AGPAT4: variants seen among roughly 807,000 people sequenced by gnomAD.
AGPAT4 encodes 1-acylglycerol-3-phosphate O-acyltransferase 4, also known as 1-acyl-sn-glycerol-3-phosphate acyltransferase delta.
AGPAT4 carries 15 observed loss-of-function variants against 48.0 expected under a neutral mutation model. The ratio of observed to expected loss-of-function variants is 0.31; its 90% CI spans 0.21 to 0.48. AGPAT4 has a LOEUF of 0.48. AGPAT4 is among the 20% of genes least tolerant of loss of function. The probability of loss-of-function intolerance (pLI) is 0.99; values close to 1 mark genes in which losing one functional copy is unlikely to be tolerated. For synonymous variants in AGPAT4, 178 were observed against 198.7 expected, an observed-to-expected ratio of 0.90 and a Z score of 0.88; for missense variants, 314 against 482.5, an observed-to-expected ratio of 0.65 and a Z score of 3.27.
rs377346959 is a variant in AGPAT4, at chr6:161,178,563, G to A, written c.179-12146C>T. 2.0e-5 allele frequency among the ~76,000 whole-genome samples: 3 copies of A among 152,118 alleles called. No individual in the cohort carries two copies. The highest frequency in any genetic ancestry group is 4.4e-5 in the Non-Finnish European group (3 of 68,026). ...CCCTTGGCTAGGAAAGGGAATTCCC[G>A]GACCCCTGCACTTCCCGGGTGAGGC... On this transcript the variant is annotated intron_variant, in intron 2 of 8. Coordinates refer to ENST00000320285, the MANE Select transcript of AGPAT4 (RefSeq NM_020133.3). This position sits in a 1 kb window ranked among gnomAD's most constrained non-coding sequence, Gnocchi z 5.1.
intron 2 of AGPAT4, among the ~76,000 whole-genome samples, chr6:161,168,516 T>G (rs988499829): frequency 2.6e-5 from 4 of 151,964 alleles, no homozygotes; most frequent in Admixed American, 6.6e-5. Flanking sequence ...TCTCCCCTAC[T>G]ATAGAGCACG....
chr6:161,166,467 G>C lies in AGPAT4; in HGVS notation c.179-50C>G. The C allele has an allele frequency of 6.5e-7, 1 of 1,541,084 alleles. No homozygotes were observed. Among genetic ancestry groups the C allele is most frequent in the Non-Finnish European group, 8.7e-7 (1 of 1,145,000 alleles). On this transcript the variant is annotated intron_variant, in intron 2 of 8. Transcript: ENST00000320285. This position sits in a 1 kb window ranked among gnomAD's most constrained non-coding sequence, Gnocchi z 6.7. ...TGTTTACTACATGCAGCCTTGTCCT[G>C]GGAGCCCTGCTGAGAGCAGGGCTCT...
chr6:161,143,155 C>T lies in AGPAT4; in HGVS notation c.843+3369G>A, dbSNP rs989815184. On this transcript the variant is annotated intron_variant, in intron 7 of 8. Coordinates refer to ENST00000320285, the MANE Select transcript of AGPAT4 (RefSeq NM_020133.3). This position sits in a 1 kb window ranked among gnomAD's most constrained non-coding sequence, Gnocchi z 4.7. ...TGGTGCAATCATAGCTCACAGTAAC[C>T]TTCAACTTCTAGGCTCAAGCAATCC... Among the ~76,000 whole-genome samples, 11 of 152,210 alleles carry T rather than the reference C, an allele frequency of 7.2e-5. No individual in the cohort carries two copies. Among genetic ancestry groups the T allele is most frequent in the African/African-American group, 2.2e-4 (9 of 41,438 alleles).
At position 161,214,630 on chromosome 6, in the gene AGPAT4, A is replaced by C. The variant is rs962717011; in HGVS notation, c.178+17406T>G. 6.6e-6 allele frequency among the ~76,000 whole-genome samples: 1 copy of C among 152,152 alleles called. No homozygotes were observed. The highest frequency in any genetic ancestry group is 1.9e-4 in the East Asian group (1 of 5,200). ...AAAGATACAAAAAAATTAGCTGGGC[A>C]TGGTGGCACACACCTGTAGTCCCAG... On this transcript the variant is annotated intron_variant, in intron 2 of 8. Coordinates refer to ENST00000320285, the MANE Select transcript of AGPAT4 (RefSeq NM_020133.3). This position sits in a 1 kb window ranked among gnomAD's most constrained non-coding sequence, Gnocchi z 5.4.
At chr6:161,191,426 G>A (rs534078079) in intron 2 of AGPAT4, among the ~76,000 whole-genome samples, 6 of 152,300 alleles carry the variant, frequency 3.9e-5, no homozygotes, top group East Asian at 1.9e-4. Context: ...TTGGAGAGAC[G>A]TCATTCTGAA....
chr6:161,252,979 G>A lies in AGPAT4; in HGVS notation c.-89-20677C>T, dbSNP rs558496407. Among the ~76,000 whole-genome samples the A allele has an allele frequency of 6.6e-5, 10 of 152,096 alleles. No individual in the cohort carries two copies. In the East Asian group the frequency reaches 1.8e-3, roughly 27 times the overall value. On this transcript the variant is annotated intron_variant, in intron 1 of 8. Transcript: ENST00000320285. ...GTCTGTAATCCCAGCACTTTGAGAG[G>A]CCAAGGCAGGCAGATCATGAGGTCA...
At chr6:161,263,237 G>C (rs1437293616) in intron 1 of AGPAT4, among the ~76,000 whole-genome samples, 1 of 152,144 alleles carries the variant, frequency 6.6e-6, no homozygotes, top group Non-Finnish European at 1.5e-5. Flanking sequence ...TGAAGACCAG[G>C]CTCTCTTTAA....
Position 161,208,306 on chromosome 6 carries a change from T to C in AGPAT4, c.178+23730A>G, listed in dbSNP as rs1253473577. Among the ~76,000 whole-genome samples, 4 of 152,190 alleles carry C rather than the reference T, an allele frequency of 2.6e-5. No homozygotes were observed. The highest frequency in any genetic ancestry group is 5.9e-5 in the Non-Finnish European group (4 of 68,038). On this transcript the variant is annotated intron_variant, in intron 2 of 8. Transcript: ENST00000320285. The surrounding 1 kb of genome is among the most constrained non-coding windows in gnomAD (Gnocchi z 4.6). ...TCTCCAGATGCGCCCTCTGTGGAACTTCCCTAACAATGTGCTCTTGTACAT... is the reference window on the plus strand; with the variant it reads ...TCTCCAGATGCGCCCTCTGTGGAACCTCCCTAACAATGTGCTCTTGTACAT...
intron 2 of AGPAT4, among the ~76,000 whole-genome samples, chr6:161,191,509 C>G (rs865829578): frequency 1.3e-5 from 2 of 152,154 alleles, no homozygotes; most frequent in African/African-American, 4.8e-5. Context: ...CAAGGGGAAC[C>G]AAGTATCTTA....
rs1783032525 is a variant in AGPAT4 at position 161,259,190 on chromosome 6, A to T, written c.-90+14748T>A. Among the ~76,000 whole-genome samples the T allele has an allele frequency of 6.6e-6, 1 of 152,220 alleles. No individual in the cohort carries two copies. Among genetic ancestry groups the T allele is most frequent in the Admixed American group, 6.5e-5 (1 of 15,284 alleles). On this transcript the variant is annotated intron_variant, in intron 1 of 8. Coordinates refer to ENST00000320285, the MANE Select transcript of AGPAT4 (RefSeq NM_020133.3). This position sits in a 1 kb window ranked among gnomAD's most constrained non-coding sequence, Gnocchi z 4.9. ...TACGTTTACACCGTGAAATGATTAA[A>T]TGAAGCTCGCTAACGTATCGATCAC...
intron 2 of AGPAT4, among the ~76,000 whole-genome samples, chr6:161,203,381 CTTTTTTTTTTTT>C (rs10585542): frequency 9.0e-6 from 1 of 110,764 alleles, no homozygotes; most frequent in Non-Finnish European, 1.9e-5. Flanking sequence ...CTTTTTCTTT[CTTTTTTTTTTTT>C]TTTTTTTTTT....
intron 2 of AGPAT4, among the ~76,000 whole-genome samples, chr6:161,182,606 C>G (rs1374775796): frequency 6.6e-6 from 1 of 152,248 alleles, no homozygotes; most frequent in Non-Finnish European, 1.5e-5. Flanking sequence ...AGTGAAGGAA[C>G]CAGCTCAGCC....
In AGPAT4 at chr6:161,146,129, G is replaced by A. The variant is rs1779416699; in HGVS notation, c.843+395C>T. Among the ~76,000 whole-genome samples the A allele has an allele frequency of 6.6e-6, 1 of 151,592 alleles. No homozygotes were observed. Among genetic ancestry groups the A allele is most frequent in the Non-Finnish European group, 1.5e-5 (1 of 68,028 alleles). On this transcript the variant is annotated intron_variant, in intron 7 of 8. Transcript: ENST00000320285. The surrounding 1 kb of genome is among the most constrained non-coding windows in gnomAD (Gnocchi z 7.1). The stretch of plus-strand genomic sequence containing the variant: ...GTGGATCCTTGTAGGGCTTTATCCT[G>A]CTTATTCTGGAGATGCTTTGAGATC...
Position 161,146,751 on chromosome 6 carries a change from C to T in AGPAT4, c.768-152G>A, listed in dbSNP as rs900922670. On this transcript the variant is annotated intron_variant, in intron 6 of 8. Coordinates refer to ENST00000320285, the MANE Select transcript of AGPAT4 (RefSeq NM_020133.3). This position sits in a 1 kb window ranked among gnomAD's most constrained non-coding sequence, Gnocchi z 7.1. ...TAATGCAAGTGATAGAAAGAAGGGG[C>T]GTTCCACATCCACACTGGAGAAACA... 15 of 704,914 alleles carry T rather than the reference C, an allele frequency of 2.1e-5. 1 individual carries two copies. The highest frequency in any genetic ancestry group is 1.3e-4 in the South Asian group (7 of 54,888). 43.7% of individuals were successfully genotyped at this position (704,914 alleles called of 1,614,324 possible). A position where few individuals can be genotyped will look rare whatever the true frequency, so the allele number is the denominator to read the frequency against.
At position 161,204,516 on chromosome 6, in the gene AGPAT4, A is replaced by G. The variant is rs115156121; in HGVS notation, c.178+27520T>C. Reference sequence around the variant, plus strand: ...CCTCCAAAATTCTCCCTTTCCAGCTATATTTATCCTTCAGCTGAAGACAAT... The same window carrying G: ...CCTCCAAAATTCTCCCTTTCCAGCTGTATTTATCCTTCAGCTGAAGACAAT... On this transcript the variant is annotated intron_variant, in intron 2 of 8. Transcript: ENST00000320285. The surrounding 1 kb of genome is among the most constrained non-coding windows in gnomAD (Gnocchi z 4.4). Among the ~76,000 whole-genome samples the G allele has an allele frequency of 1.6e-3, 247 of 152,264 alleles. 1 individual carries two copies. The highest frequency in any genetic ancestry group is 5.6e-3 in the African/African-American group (234 of 41,560).
chr6:161,162,605 G>A (rs952733196), intron 3 of AGPAT4, among the ~76,000 whole-genome samples: 15 of 152,206 alleles, frequency 9.9e-5, no homozygotes, highest in Non-Finnish European at 2.2e-4. Context: ...TGACCACATA[G>A]GCAGGGGACC....
intron 5 of AGPAT4, among the ~76,000 whole-genome samples, chr6:161,152,034 G>A (rs1160328380): frequency 2.0e-5 from 3 of 152,228 alleles, no homozygotes; most frequent in Admixed American, 6.5e-5. Context: ...TGGCTGGCCC[G>A]GTGGGCCCTC....
In AGPAT4 at chr6:161,232,619, C is replaced by T. The variant is rs1185738649; in HGVS notation, c.-89-317G>A. On this transcript the variant is annotated intron_variant, in intron 1 of 8. Transcript: ENST00000320285. The surrounding 1 kb of genome is among the most constrained non-coding windows in gnomAD (Gnocchi z 6.8). ...GCTCCCCAGCTGGGCAGCAGCTGAG[C>T]CAGCCACGGAGCCCTGGGTCCCACT... Among the ~76,000 whole-genome samples, 1 of 152,180 alleles carries T rather than the reference C, an allele frequency of 6.6e-6. No individual in the cohort carries two copies. Among genetic ancestry groups the T allele is most frequent in the Admixed American group, 6.5e-5 (1 of 15,280 alleles).
chr6:161,177,542 T>A lies in AGPAT4; in HGVS notation c.179-11125A>T, dbSNP rs1033299201. Among the ~76,000 whole-genome samples, 2 of 152,182 alleles carry A rather than the reference T, an allele frequency of 1.3e-5. No homozygotes were observed. Among genetic ancestry groups the A allele is most frequent in the Admixed American group, 1.3e-4 (2 of 15,286 alleles). On this transcript the variant is annotated intron_variant, in intron 2 of 8. Coordinates refer to ENST00000320285, the MANE Select transcript of AGPAT4 (RefSeq NM_020133.3). The surrounding 1 kb of genome is among the most constrained non-coding windows in gnomAD (Gnocchi z 5.0). ...GCTGTTTATTCTAGTTAGCCATTCA[T>A]CTAATCTTTTTTTTCAAGGTTTTTA... is the stretch of plus-strand genomic sequence containing the variant.
Sources: gnomAD v4.1 joint callset for allele counts (sites outside exome capture counted in the v4.1 genomes callset) on GRCh38, gnomAD v4.1.1 for gene constraint, Gnocchi (gnomAD v3.1) non-coding constraint, MANE v1.5 for transcripts, NCBI Gene and HGNC (gene_info 2026-07-23, HGNC 2026-07-21) for gene names.